RNF17: variants seen among roughly 807,000 people sequenced by gnomAD.
RNF17 encodes the protein spermatogenesis associated 23.
In RNF17, 31 loss-of-function variants were observed where a neutral mutation model predicts 200.5. The ratio of observed to expected loss-of-function variants is 0.15; its 90% CI spans 0.12 to 0.21. The LOEUF is 0.21. RNF17 is among the 10% of genes least tolerant of loss of function. The pLI is 1.00. For synonymous variants in RNF17, 606 were observed against 637.8 expected (o/e 0.95, Z 0.75); for missense variants, 1,628 against 1,905.1 (o/e 0.85, Z 2.71).
rs765632845 is a variant in RNF17, at chr13:24,862,718, G to C, written c.3900G>C (p.Gly1300=). 6.2e-7 allele frequency: 1 copy of C among 1,600,728 alleles called. No homozygotes were observed. The change falls in exon 28 of 36, where the codon GGG becomes GGC. Residue 1300 remains glycine (G), a synonymous_variant. Coordinates refer to ENST00000255324, the MANE Select transcript of RNF17 (RefSeq NM_031277.3). ...AGTTTATTAATCTCAAATAGGTTGG[G>C]AATGTCTGGCAACCAGATGCAATAG... ...PCQLHNTTPV[G]NVWQPDAIEV...
chr13:24,825,907 G>A (rs1888574057), intron 16 of RNF17, 135 bp downstream of exon 16: 2 of 1,397,920 alleles, frequency 1.4e-6, no homozygotes, highest in Non-Finnish European at 1.9e-6. Flanking sequence ...CTTTAGAAAA[G>A]CTAGTGATAA....
intron 18 of RNF17, among the ~76,000 whole-genome samples, chr13:24,839,687 G>A (rs1277483123): frequency 6.6e-6 from 1 of 152,138 alleles, no homozygotes; most frequent in African/African-American, 2.4e-5. Flanking sequence ...ACAGGTAAGA[G>A]AATGAAACTG....
chr13:24,883,933 G>C, downstream of RNF17: 1 of 1,613,702 alleles, frequency 6.2e-7, no homozygotes, highest in Non-Finnish European at 8.5e-7. Flanking sequence ...CACACTGAGT[G>C]GTTTTTCTGT....
At chr13:24,823,008 C>T (rs1396266179) in intron 15 of RNF17, among the ~76,000 whole-genome samples, 8 of 152,170 alleles carry the variant, frequency 5.3e-5, no homozygotes, top group Non-Finnish European at 1.0e-4. Flanking sequence ...CATAGAATTT[C>T]TTGTAAGGCA....
chr13:24,887,148 A>G, the RNF17 span, among the ~76,000 whole-genome samples: 1 of 152,238 alleles, frequency 6.6e-6, no homozygotes, highest in Non-Finnish European at 1.5e-5. Flanking sequence ...GCACTGCCCA[A>G]AGGGAAAAAC....
chr13:24,776,230 T>C (rs1377117935), intron 3 of RNF17, among the ~76,000 whole-genome samples: 1 of 152,246 alleles, frequency 6.6e-6, no homozygotes, highest in African/African-American at 2.4e-5. Context: ...TACTGCCTTA[T>C]TTAATTCTCA....
intron 15 of RNF17, among the ~76,000 whole-genome samples, chr13:24,822,056 G>A (rs575783635): frequency 1.3e-5 from 2 of 152,274 alleles, no homozygotes; most frequent in South Asian, 2.1e-4. Context: ...TTGTAGGCAG[G>A]TTTAAGGAGG....
In RNF17 at chr13:24,804,295, T is replaced by A. The variant is rs142251615; in HGVS notation, c.1957T>A (p.Ser653Thr). Residue 653 changes from serine to threonine, a missense_variant, in exon 15 of 36, where the codon TCA becomes ACA. Physicochemically the swap from Ser to Thr is moderately conservative, Grantham distance 58 (BLOSUM62 1). This residue lies in a region of RNF17 where 289 missense variants were observed against 384.9 expected (regional missense o/e 0.75). Coordinates refer to ENST00000255324, the MANE Select transcript of RNF17 (RefSeq NM_031277.3). Reference sequence around the variant, plus strand: ...CATTATGCTTTTAATTAGGTTTAAGTCACAATCACTAAGAAGTCACTTTGA... The same window carrying A: ...CATTATGCTTTTAATTAGGTTTAAGACACAATCACTAAGAAGTCACTTTGA... ...LVFMELAKFK[S>T]QSLRSHFEKN... 535 of 1,612,510 alleles carry A rather than the reference T, an allele frequency of 3.3e-4. 2 individuals carry two copies. Among genetic ancestry groups the A allele is most frequent in the Non-Finnish European group, 2.1e-4 (253 of 1,179,112 alleles).
chr13:24,755,209 TTTTG>T, the RNF17 span, among the ~76,000 whole-genome samples: 1 of 152,202 alleles, frequency 6.6e-6, no homozygotes. Context: ...TAGTTTTCAT[TTTTG>T]TTTGTTTGGT....
chr13:24,775,015 T>G, intron 3 of RNF17, 111 bp downstream of exon 3: 5 of 673,766 alleles, frequency 7.4e-6, no homozygotes, highest in Non-Finnish European at 1.2e-5. Context: ...ACCTACTGTT[T>G]ATGGAATGCT....
At chr13:24,865,296 T>C (rs1178240626) in intron 29 of RNF17, among the ~76,000 whole-genome samples, 1 of 152,210 alleles carries the variant, frequency 6.6e-6, no homozygotes, top group Non-Finnish European at 1.5e-5. Flanking sequence ...CTAAAATCTT[T>C]ATAGAATTCA....
At chr13:24,830,670 GTCA>G in intron 17 of RNF17, 71 bp downstream of exon 17, 1 of 1,070,306 alleles carries the variant, frequency 9.3e-7, no homozygotes, top group Non-Finnish European at 1.4e-6. Flanking sequence ...AGAAGCTATT[GTCA>G]TCATAGAAAT....
intron 15 of RNF17, among the ~76,000 whole-genome samples, chr13:24,820,114 CTTTTTTCTT>C (rs776655801): frequency 2.3e-4 from 25 of 109,510 alleles, no homozygotes; most frequent in South Asian, 1.5e-3. Flanking sequence ...TCTCTTTTTT[CTTTTTTCTT>C]TTTTTTTTTT....
Position 24,864,766 on chromosome 13 carries a change from C to A in RNF17, c.3976-107C>A, listed in dbSNP as rs373575635. On this transcript the variant is annotated intron_variant, in intron 28 of 35. Transcript: ENST00000255324. ...TGAAATGAGTCACTAGCCAAACTGT[C>A]TAGTTAATACTATGATTGTCAGAAG... is the stretch of plus-strand genomic sequence containing the variant. The A allele has an allele frequency of 5.8e-4, 460 of 796,640 alleles. 4 individuals carry two copies. The South Asian group carries it at 6.9e-3, about 12-fold the overall frequency. The allele number at this position is 796,640 out of a possible 1,614,324, so 49.3% of individuals were successfully genotyped here. A position where few individuals can be genotyped will look rare whatever the true frequency, so the allele number is the denominator to read the frequency against.
chr13:24,870,132 G>A (rs9507427), intron 31 of RNF17, among the ~76,000 whole-genome samples: 34,959 of 151,490 alleles, frequency 0.23, 4,478 homozygotes, highest in Non-Finnish European at 0.29. Flanking sequence ...ATTTTTACTA[G>A]AGACGAGGTT....
intron 20 of RNF17, 139 bp from the exon 21 acceptor site, chr13:24,844,513 A>G (rs2138150819): frequency 3.0e-6 from 2 of 674,098 alleles, no homozygotes; most frequent in East Asian, 2.7e-5. Flanking sequence ...TGAGGAAGAA[A>G]TACACTTGTA....
intron 25 of RNF17, among the ~76,000 whole-genome samples, chr13:24,856,030 T>G (rs998399112): frequency 3.3e-5 from 5 of 152,220 alleles, no homozygotes; most frequent in Non-Finnish European, 7.3e-5. Flanking sequence ...GTTTCTTACT[T>G]GTCTTTTCAG....
rs775094794 is a variant in RNF17 at position 24,874,074 on chromosome 13, G to A, written c.4448-40G>A. On this transcript the variant is annotated intron_variant, in intron 32 of 35. Transcript: ENST00000255324. ...TTCCTTTGGATTAAAAAAATTTAATGAAAGACAATATGATTTTTTCCCTTT... is the reference window on the plus strand; with the variant it reads ...TTCCTTTGGATTAAAAAAATTTAATAAAAGACAATATGATTTTTTCCCTTT... 3.8e-6 allele frequency: 6 copies of A among 1,596,920 alleles called. No individual in the cohort carries two copies. The South Asian group carries it at 6.9e-5, about 18-fold the overall frequency.
chr13:24,774,319 C>T (rs1029381873), intron 2 of RNF17, among the ~76,000 whole-genome samples: 6 of 152,298 alleles, frequency 3.9e-5, no homozygotes, highest in African/African-American at 1.4e-4. Context: ...AAGCAATTCT[C>T]CTGCCTCAGC....
Sources: gnomAD v4.1 joint callset for allele counts (sites outside exome capture counted in the v4.1 genomes callset) on GRCh38, gnomAD v4.1.1 for gene constraint, gnomAD v4.1.1 regional missense constraint, MANE v1.5 for transcripts, NCBI Gene and HGNC (gene_info 2026-07-23, HGNC 2026-07-21) for gene names.